P2RY2: variants seen among roughly 807,000 people sequenced by gnomAD.
P2RY2 encodes the protein P2Y purinoceptor 2.
For missense variants in P2RY2, 567 were observed against 515.7 expected (o/e 1.10, Z -0.96); for synonymous variants, 241 against 231.9 (o/e 1.04, Z -0.35).
chr11:73,222,524 C>T (rs1196686507), intron 1 of P2RY2, among the ~76,000 whole-genome samples: 2 of 152,182 alleles, frequency 1.3e-5, no homozygotes, highest in Non-Finnish European at 2.9e-5. Flanking sequence ...GCTTTTCAGC[C>T]TGGCATTTGA....
chr11:73,230,531 C>T (rs1862421248), intron 2 of P2RY2, among the ~76,000 whole-genome samples: 1 of 152,122 alleles, frequency 6.6e-6, no homozygotes, highest in African/African-American at 2.4e-5. Context: ...TCACAGCAGT[C>T]CCATGGTGGA....
chr11:73,222,776 C>T (rs1487901510), intron 1 of P2RY2, among the ~76,000 whole-genome samples: 1 of 152,188 alleles, frequency 6.6e-6, no homozygotes, highest in Non-Finnish European at 1.5e-5. Flanking sequence ...CTGACCACCT[C>T]CCCCAGGCCA....
chr11:73,230,599 G>A (rs1025438878), intron 2 of P2RY2, among the ~76,000 whole-genome samples: 17 of 152,202 alleles, frequency 1.1e-4, no homozygotes, highest in Admixed American at 2.6e-4. Flanking sequence ...TGGCTCCAGC[G>A]CCCAGGTTCT....
Position 73,234,992 on chromosome 11 carries a change from G to T in P2RY2, c.833G>T (p.Cys278Phe). 1 of 1,609,476 alleles carries T rather than the reference G, an allele frequency of 6.2e-7. No homozygotes were observed. ...YYSFRSLDLS[C>F]HTLNAINMAY... The stretch of plus-strand genomic sequence containing the variant: ...TCCTTCCGCTCGCTGGACCTCAGCT[G>T]CCACACCCTCAACGCCATCAACATG... Residue 278 changes from cysteine to phenylalanine, a missense_variant, in exon 3 of 3, where the codon TGC becomes TTC. By Grantham distance (205) the Cys-to-Phe change is radical. Coordinates refer to ENST00000393597, the MANE Select transcript of P2RY2 (RefSeq NM_002564.4).
In P2RY2 at chr11:73,235,141, C is replaced by T. The variant is rs767543372; in HGVS notation, c.982C>T (p.Pro328Ser). The change falls in exon 3 of 3, where the codon CCT becomes TCT. Residue 328 changes from proline to serine, a missense_variant. By Grantham distance (74) the Pro-to-Ser change is moderately conservative (BLOSUM62 -1). Transcript: ENST00000393597. Reference sequence around the variant, plus strand: ...TGCCAAGCCACCCACTGGCCCCAGCCCTGCCACCCCGGCTCGCCGCAGGCT... The same window carrying T: ...TGCCAAGCCACCCACTGGCCCCAGCTCTGCCACCCCGGCTCGCCGCAGGCT... ...RDAKPPTGPSPATPARRRLGL... is the reference protein window; with the variant it reads ...RDAKPPTGPSSATPARRRLGL... 3.7e-6 allele frequency: 6 copies of T among 1,610,194 alleles called. No homozygotes were observed. The highest frequency in any genetic ancestry group is 5.1e-6 in the Non-Finnish European group (6 of 1,179,354).
chr11:73,234,106 G>A (rs1862540294), intron 2 of P2RY2, 50 bp from the exon 3 acceptor site: 13 of 1,551,408 alleles, frequency 8.4e-6, no homozygotes, highest in Non-Finnish European at 1.0e-5. Flanking sequence ...AGGTCCCCTA[G>A]GGGCGCTCCG....
chr11:73,223,343 T>C (rs1862175600), intron 1 of P2RY2, among the ~76,000 whole-genome samples: 1 of 151,682 alleles, frequency 6.6e-6, no homozygotes, highest in African/African-American at 2.4e-5. Flanking sequence ...TCCAGGGACC[T>C]TGCCTGACTG....
chr11:73,234,454 T>C lies in P2RY2; in HGVS notation c.295T>C (p.Trp99Arg), dbSNP rs559470024. 6.2e-7 allele frequency: 1 copy of C among 1,614,130 alleles called. No individual in the cohort carries two copies. The highest frequency in any genetic ancestry group is 1.1e-5 in the South Asian group (1 of 91,088). The change falls in exon 3 of 3, where the codon TGG becomes CGG. Residue 99 changes from tryptophan to arginine, a missense_variant. Coordinates refer to ENST00000393597, the MANE Select transcript of P2RY2 (RefSeq NM_002564.4). ...CTATTACTACGCCCGCGGCGACCAC[T>C]GGCCCTTCAGCACGGTGCTCTGCAA... Reference protein sequence around the residue: ...LVYYYARGDHWPFSTVLCKLV... With the variant: ...LVYYYARGDHRPFSTVLCKLV...
chr11:73,219,831 C>T (rs900464644), intron 1 of P2RY2, among the ~76,000 whole-genome samples: 17 of 152,210 alleles, frequency 1.1e-4, no homozygotes, highest in Non-Finnish European at 1.6e-4. Flanking sequence ...TGGAGAACTA[C>T]CCAGACTTGG....
chr11:73,231,097 A>G (rs1862441903), intron 2 of P2RY2, among the ~76,000 whole-genome samples: 1 of 152,212 alleles, frequency 6.6e-6, no homozygotes, highest in South Asian at 2.1e-4. Context: ...TTGGCACCAC[A>G]TAAGCATCTC....
Position 73,235,225 on chromosome 11 carries a change from A to G in P2RY2, c.1066A>G (p.Ser356Gly). ...GAGGATAGAAGATGTGTTGGGCAGC[A>G]GTGAGGACTCTAGGCGGACAGAGTC... ...MQRIEDVLGSSEDSRRTESTP... is the reference protein window; with the variant it reads ...MQRIEDVLGSGEDSRRTESTP... Residue 356 changes from serine (S) to glycine (G), a missense_variant, in exon 3 of 3, where the codon AGT (serine) becomes GGT (glycine). Coordinates refer to ENST00000393597, the MANE Select transcript of P2RY2 (RefSeq NM_002564.4). The G allele has an allele frequency of 6.2e-7, 1 of 1,609,820 alleles. No individual in the cohort carries two copies.
At chr11:73,228,365 C>G (rs146319286) in intron 2 of P2RY2, among the ~76,000 whole-genome samples, 190 bp downstream of exon 2, 5 of 152,340 alleles carry the variant, frequency 3.3e-5, no homozygotes, top group African/African-American at 1.2e-4. Context: ...GGGTGTCAAG[C>G]CTAATTTTTC....
chr11:73,225,217 C>G (rs930844538), intron 1 of P2RY2, among the ~76,000 whole-genome samples: 1 of 152,220 alleles, frequency 6.6e-6, no homozygotes, highest in Non-Finnish European at 1.5e-5. Context: ...GTCATCCAAC[C>G]ACCCTGGAAA....
rs558061278 is a variant in P2RY2, at chr11:73,239,908, T to G, written c.*4615T>G. The G allele has an allele frequency of 6.6e-6, 1 of 152,526 alleles. No homozygotes were observed. Among genetic ancestry groups the G allele is most frequent in the East Asian group, 1.9e-4 (1 of 5,178 alleles). 9.4% of individuals were successfully genotyped at this position (152,526 alleles called of 1,614,324 possible). ...CAGTGCGATGTCTGGAGCTCCTGCC[T>G]CCTGCAAGGTGGAGGGTGGGGCTTG... On this transcript the variant is annotated 3_prime_UTR_variant, in exon 3 of 3. Coordinates refer to ENST00000393597, the MANE Select transcript of P2RY2 (RefSeq NM_002564.4).
At position 73,237,159 on chromosome 11, in the gene P2RY2, G is replaced by T; in HGVS notation, c.*1866G>T. 1 of 977,896 alleles carries T rather than the reference G, an allele frequency of 1.0e-6. No individual in the cohort carries two copies. Among genetic ancestry groups the T allele is most frequent in the South Asian group, 4.7e-5 (1 of 21,144 alleles). The allele number at this position is 977,896 out of a possible 1,614,324, so 60.6% of individuals were successfully genotyped here. ...AAATGATTACTCTGTACTGTGCCAG[G>T]TGGGTGACCTGCCCAGAATAGTGTG... On this transcript the variant is annotated 3_prime_UTR_variant, in exon 3 of 3. Transcript: ENST00000393597.
Position 73,231,492 on chromosome 11 carries a change from G to T in P2RY2, c.-4-2664G>T, listed in dbSNP as rs1481733758. 2.6e-5 allele frequency among the ~76,000 whole-genome samples: 4 copies of T among 151,790 alleles called. No homozygotes were observed. In the East Asian group the frequency reaches 7.7e-4, roughly 29 times the overall value. ...GAATTGCTTGAACCCAGGAGACAGAGGTTGCAGGAAGCTGAGATCACGCCA... is the reference window on the plus strand; with the variant it reads ...GAATTGCTTGAACCCAGGAGACAGATGTTGCAGGAAGCTGAGATCACGCCA... On this transcript the variant is annotated intron_variant, in intron 2 of 2. Coordinates refer to ENST00000393597, the MANE Select transcript of P2RY2 (RefSeq NM_002564.4).
At position 73,240,696 on chromosome 11, in the gene P2RY2, T is replaced by C. The variant is rs1862756393; in HGVS notation, c.*5403T>C. The C allele has an allele frequency of 6.6e-6, 1 of 152,190 alleles. No homozygotes were observed. Among genetic ancestry groups the C allele is most frequent in the African/African-American group, 2.4e-5 (1 of 41,448 alleles). 9.4% of individuals were successfully genotyped at this position (152,190 alleles called of 1,614,324 possible). A position where few individuals can be genotyped will look rare whatever the true frequency, so the allele number is the denominator to read the frequency against. ...CTCCCACTGCCTCAGCCAACTTCAT[T>C]AGCTCCAGTCTGTGGCTCCTGGACT... On this transcript the variant is annotated 3_prime_UTR_variant, in exon 3 of 3. Coordinates refer to ENST00000393597, the MANE Select transcript of P2RY2 (RefSeq NM_002564.4).
At chr11:73,234,112 C>A in intron 2 of P2RY2, 44 bp from the exon 3 acceptor site, 1 of 1,556,786 alleles carries the variant, frequency 6.4e-7, no homozygotes, top group African/African-American at 1.4e-5. Flanking sequence ...CCTAGGGGCG[C>A]TCCGGCCACA....
chr11:73,229,416 A>C (rs1042055283), intron 2 of P2RY2, among the ~76,000 whole-genome samples: 5 of 152,058 alleles, frequency 3.3e-5, no homozygotes, highest in African/African-American at 1.2e-4. Context: ...AGTCAGGTGG[A>C]GCCGTCTCTA....
Sources: gnomAD v4.1 joint callset for allele counts (sites outside exome capture counted in the v4.1 genomes callset) on GRCh38, gnomAD v4.1.1 for gene constraint, MANE v1.5 for transcripts, NCBI Gene and HGNC (gene_info 2026-07-23, HGNC 2026-07-21) for gene names.